NUMA1: variants seen among roughly 807,000 people sequenced by gnomAD.
The protein encoded by NUMA1 is nuclear mitotic apparatus protein 1.
Under a neutral mutation model 237.1 loss-of-function variants are expected in NUMA1, and 62 were observed. The observed-to-expected ratio is 0.26, with a 90% CI of 0.21 to 0.32. The LOEUF is 0.32. Ranked by LOEUF, NUMA1 falls within the 10% of genes least tolerant of loss-of-function variation. NUMA1 has a pLI of 1.00. For missense variants in NUMA1, 2,533 were observed against 2,666.5 expected (o/e 0.95, Z 1.10); for synonymous variants, 1,028 against 1,066.1 (o/e 0.96, Z 0.70).
Position 72,019,594 on chromosome 11 carries a change from T to C in NUMA1, c.484A>G (p.Ser162Gly). ...QKAPVPSTCS[S>G]TFPEELSPPS... is the part of the protein sequence containing the mutation. Reference sequence around the variant, plus strand: ...GGGGAGAGCTCTTCAGGGAATGTGCTAGAACAGGTAGAAGGCACAGGAGCT... The same window carrying C: ...GGGGAGAGCTCTTCAGGGAATGTGCCAGAACAGGTAGAAGGCACAGGAGCT... Residue 162 changes from serine to glycine, a missense_variant, in exon 9 of 27, where the codon AGC (serine) becomes GGC (glycine). Physicochemically the swap from Ser to Gly is moderately conservative, Grantham distance 56 (BLOSUM62 0). Transcript: ENST00000393695. 6.2e-7 allele frequency: 1 copy of C among 1,613,820 alleles called. No homozygotes were observed. Among genetic ancestry groups the C allele is most frequent in the Non-Finnish European group, 8.5e-7 (1 of 1,179,796 alleles).
intron 17 of NUMA1, among the ~76,000 whole-genome samples, chr11:72,010,333 C>T (rs1240650022): frequency 6.6e-6 from 1 of 152,226 alleles, no homozygotes; most frequent in Non-Finnish European, 1.5e-5. Context: ...TTAAACTGCA[C>T]TGTAATATTC....
At chr11:72,025,174 G>A (rs938038638) in intron 4 of NUMA1, among the ~76,000 whole-genome samples, 1 of 152,228 alleles carries the variant, frequency 6.6e-6, no homozygotes, top group Admixed American at 6.5e-5. Flanking sequence ...ACAGGCTGGA[G>A]CCACTGCGCC....
In NUMA1 at chr11:72,013,576, C is replaced by T. The variant is rs200541233; in HGVS notation, c.3927G>A (p.Glu1309=). 3.2e-5 allele frequency: 52 copies of T among 1,613,296 alleles called. No homozygotes were observed. The East Asian group carries it at 9.1e-4, about 28-fold the overall frequency. The stretch of plus-strand genomic sequence containing the variant: ...GTGAGGTCAGCTCCTGCCGCAGGTT[C>T]TCTGAAGCCACCCGCTGTTTCTCAG... ...EEAEKQRVAS[E]NLRQELTSQA... is the part of the protein sequence containing the mutation. The change falls in exon 15 of 27, where the codon GAG becomes GAA. Residue 1309 remains glutamate, a synonymous_variant. Coordinates refer to ENST00000393695, the MANE Select transcript of NUMA1 (RefSeq NM_006185.4). The surrounding 1 kb of genome is among the most constrained non-coding windows in gnomAD (Gnocchi z 6.8).
In NUMA1 at chr11:72,012,984, C is replaced by G. The variant is rs1218261245; in HGVS notation, c.4519G>C (p.Val1507Leu). The G allele has an allele frequency of 6.2e-7, 1 of 1,614,052 alleles. No homozygotes were observed. Among genetic ancestry groups the G allele is most frequent in the Non-Finnish European group, 8.5e-7 (1 of 1,180,038 alleles). Residue 1507 changes from valine (V) to leucine (L), a missense_variant, in exon 15 of 27, where the codon GTG becomes CTG. Around this residue, in one of 3 missense-constraint regions of NUMA1, gnomAD observed 324 missense variants for 407.6 expected, o/e 0.79. Coordinates refer to ENST00000393695, the MANE Select transcript of NUMA1 (RefSeq NM_006185.4). ...EAQSTARELE[V>L]MTAKYEGAKV... The stretch of plus-strand genomic sequence containing the variant: ...GCACCCTCATACTTGGCAGTCATCA[C>G]CTCCAGCTCCCGGGCAGTGCTCTGT...
intron 2 of NUMA1, among the ~76,000 whole-genome samples, chr11:72,061,467 GTCTTCCTTGTTTCTTTTCTTTTTTTTT>G (rs1942932910): frequency 7.0e-6 from 1 of 143,740 alleles, no homozygotes; most frequent in Admixed American, 7.1e-5. Flanking sequence ...ACTACTCTTC[GTCTTCCTTGTTTCTTTTCTTTTTTTTT>G]TTTTTTTTTT....
chr11:72,078,786 G>A (rs957283267), intron 1 of NUMA1, among the ~76,000 whole-genome samples: 1 of 152,198 alleles, frequency 6.6e-6, no homozygotes, highest in Non-Finnish European at 1.5e-5. Flanking sequence ...GAGGGACTGA[G>A]GAAACATAAA....
At position 72,014,728 on chromosome 11, in the gene NUMA1, C is replaced by G. The variant is rs753685552; in HGVS notation, c.2775G>C (p.Lys925Asn). 1 of 1,614,138 alleles carries G rather than the reference C, an allele frequency of 6.2e-7. No homozygotes were observed. The highest frequency in any genetic ancestry group is 8.5e-7 in the Non-Finnish European group (1 of 1,180,052). ...EVARLETLVR[K>N]AGEQQETASR... ...AGGCTGTTTCCTGCTGCTCACCTGC[C>G]TTGCGCACCAAGGTCTCCAAGCGGG... The change falls in exon 15 of 27, where the codon AAG (lysine) becomes AAC (asparagine). Residue 925 changes from lysine (K) to asparagine (N), a missense_variant. This residue lies in a region of NUMA1 where 1,414 missense variants were observed against 1,508.1 expected (regional missense o/e 0.94). Transcript: ENST00000393695. The surrounding 1 kb of genome is among the most constrained non-coding windows in gnomAD (Gnocchi z 4.6).
chr11:72,012,807 G>C, intron 15 of NUMA1, 88 bp downstream of exon 15: 1 of 1,522,328 alleles, frequency 6.6e-7, no homozygotes, highest in Non-Finnish European at 8.9e-7. Context: ...CTCCAGTGTA[G>C]GAGCTAGAGG....
rs1005962735 is a variant in NUMA1 at position 72,003,306 on chromosome 11, G to T, written c.*221C>A. On this transcript the variant is annotated 3_prime_UTR_variant, in exon 27 of 27. Transcript: ENST00000393695. Reference sequence around the variant, plus strand: ...AAAAAGGAGGCAAGGTAGGGAGAGCGCCCACACTGTCCATGCTCCAGGCCC... The same window carrying T: ...AAAAAGGAGGCAAGGTAGGGAGAGCTCCCACACTGTCCATGCTCCAGGCCC... 5.5e-5 allele frequency: 32 copies of T among 585,256 alleles called. No homozygotes were observed. The highest frequency in any genetic ancestry group is 5.4e-4 in the African/African-American group (29 of 53,528). 36.3% of individuals were successfully genotyped at this position (585,256 alleles called of 1,614,324 possible).
At chr11:72,006,595 A>G (rs1418870738) in intron 21 of NUMA1, among the ~76,000 whole-genome samples, 1 of 152,230 alleles carries the variant, frequency 6.6e-6, no homozygotes, top group Non-Finnish European at 1.5e-5. Flanking sequence ...ACTGCTAGGA[A>G]GTATCAGAGC....
In NUMA1 at chr11:72,015,706, C is replaced by T. The variant is rs761184581; in HGVS notation, c.1797G>A (p.Arg599=). The part of the protein sequence containing the change: ...AEEREASLRE[R]DAALKQLEAL... ...CCTCCAGCTGCTTGAGAGCCGCATCCCGCTCCCTTAAGGAGGCCTCTCGCT... is the reference window on the plus strand; with the variant it reads ...CCTCCAGCTGCTTGAGAGCCGCATCTCGCTCCCTTAAGGAGGCCTCTCGCT... Residue 599 remains arginine (R), a synonymous_variant, in exon 15 of 27, where the codon CGG becomes CGA. Transcript: ENST00000393695. The surrounding 1 kb of genome is among the most constrained non-coding windows in gnomAD (Gnocchi z 4.0). 2 of 1,614,024 alleles carry T rather than the reference C, an allele frequency of 1.2e-6. No individual in the cohort carries two copies. The highest frequency in any genetic ancestry group is 2.2e-5 in the East Asian group (1 of 44,898).
At chr11:72,034,932 C>G (rs1045997686) in intron 3 of NUMA1, among the ~76,000 whole-genome samples, 1 of 152,220 alleles carries the variant, frequency 6.6e-6, no homozygotes, top group African/African-American at 2.4e-5. Context: ...TCATGGCTCA[C>G]TGCAGCCTCA....
chr11:72,011,556 G>A (rs1449166479), intron 16 of NUMA1, among the ~76,000 whole-genome samples: 2 of 152,192 alleles, frequency 1.3e-5, no homozygotes, highest in African/African-American at 4.8e-5. Context: ...ACAGGGGAGA[G>A]GCAAGGGCTC....
rs1938781267 is a variant in NUMA1, at chr11:72,021,303, G to A, written c.373-12C>T. The A allele has an allele frequency of 6.2e-7, 1 of 1,613,130 alleles. No homozygotes were observed. Among genetic ancestry groups the A allele is most frequent in the South Asian group, 1.1e-5 (1 of 91,036 alleles). ...ACAGCCAACTCAGCCTGGGCCACAG[G>A]GAGAAAAAGAGCATCACTTAGGTGT... On this transcript the variant is annotated splice_polypyrimidine_tract_variant and intron_variant, in intron 7 of 26. Coordinates refer to ENST00000393695, the MANE Select transcript of NUMA1 (RefSeq NM_006185.4).
chr11:72,049,541 T>TTAA (rs1942190130), intron 2 of NUMA1: 5 of 18,976 alleles, frequency 2.6e-4, no homozygotes, highest in Non-Finnish European at 4.0e-4. Flanking sequence ...AGAACCTGTC[T>TTAA]AAAAAAAAAA....
chr11:72,004,233 T>G lies in NUMA1; in HGVS notation c.6115A>C (p.Thr2039Pro). ...TTCAGCCCCAGCCTCACCTGTTTAG[T>G]AGAAGCTGGAGCTGCTTTCTTCTGG... ...EAQKKAAPAS[T>P]KQADRRQSMA... The change falls in exon 25 of 27, where the codon ACT becomes CCT. Residue 2039 changes from threonine (T) to proline (P), a missense_variant. Physicochemically the swap from Thr to Pro is conservative, Grantham distance 38 (BLOSUM62 -1). Coordinates refer to ENST00000393695, the MANE Select transcript of NUMA1 (RefSeq NM_006185.4). 1 of 1,610,774 alleles carries G rather than the reference T, an allele frequency of 6.2e-7. No individual in the cohort carries two copies. Among genetic ancestry groups the G allele is most frequent in the Non-Finnish European group, 8.5e-7 (1 of 1,179,064 alleles).
chr11:72,011,381 C>A (rs529329379), intron 16 of NUMA1, among the ~76,000 whole-genome samples: 1 of 152,306 alleles, frequency 6.6e-6, no homozygotes, highest in South Asian at 2.1e-4. Flanking sequence ...CATTGGGGAA[C>A]AGATTGCTGG....
At chr11:72,008,165 TG>T (rs1565193078) in intron 20 of NUMA1, 3 of 475,478 alleles carry the variant, frequency 6.3e-6, no homozygotes, top group South Asian at 1.6e-5. Context: ...AATAAGTAAA[TG>T]TAAGTGTTTA....
At chr11:72,038,586 T>C (rs1941308833) in intron 2 of NUMA1, among the ~76,000 whole-genome samples, 1 of 152,062 alleles carries the variant, frequency 6.6e-6, no homozygotes, top group African/African-American at 2.4e-5. Context: ...GACTATAGCT[T>C]TAAGCAGACT....
Sources: allele counts gnomAD v4.1 joint callset (sites outside exome capture counted in the v4.1 genomes callset), GRCh38; gene constraint gnomAD v4.1.1; regional missense constraint gnomAD v4.1.1; non-coding constraint Gnocchi (gnomAD v3.1); transcripts MANE v1.5; gene names NCBI Gene and HGNC (gene_info 2026-07-23, HGNC 2026-07-21).